MLIP: variants seen among roughly 807,000 people sequenced by gnomAD.
The protein encoded by MLIP is muscular LMNA-interacting protein.
MLIP carries 79 observed loss-of-function variants against 84.8 expected under a neutral mutation model. The observed-to-expected ratio is 0.93, with a 90% CI of 0.78 to 1.12. The LOEUF (loss-of-function observed/expected upper bound fraction) is 1.12, where lower values mean the gene tolerates loss of function less well. Among genes scored for constraint, MLIP ranks in the 50% most tolerant of loss-of-function variants. The pLI is 0.00. For synonymous variants in MLIP, 504 were observed against 463.0 expected (o/e 1.09, Z -1.14); for missense variants, 1,257 against 1,160.6 (o/e 1.08, Z -1.21).
At chr6:54,144,986 A>G (rs886484191) in intron 4 of MLIP, among the ~76,000 whole-genome samples, 1 of 152,212 alleles carries the variant, frequency 6.6e-6, no homozygotes, top group Non-Finnish European at 1.5e-5. Flanking sequence ...GCTCTGGTAA[A>G]CATAAGTAAT....
At chr6:54,088,957 T>C (rs1767678700) in intron 1 of MLIP, among the ~76,000 whole-genome samples, 1 of 152,062 alleles carries the variant, frequency 6.6e-6, no homozygotes, top group African/African-American at 2.4e-5. Context: ...AAGTTCAACA[T>C]TTTTTGAGGT....
intron 11 of MLIP, among the ~76,000 whole-genome samples, chr6:54,219,847 A>C (rs769234599): frequency 2.0e-5 from 3 of 152,210 alleles, no homozygotes; most frequent in Non-Finnish European, 4.4e-5. Flanking sequence ...TCAGTTGGCC[A>C]TTCCTTAAGC....
At chr6:54,177,461 A>G (rs1379454885) in intron 9 of MLIP, among the ~76,000 whole-genome samples, 1 of 152,238 alleles carries the variant, frequency 6.6e-6, no homozygotes, top group East Asian at 1.9e-4. Flanking sequence ...ATCACAGATC[A>G]TTAGAGAAAC....
At chr6:54,256,445 G>T (rs1783010059) in intron 12 of MLIP, among the ~76,000 whole-genome samples, 1 of 152,100 alleles carries the variant, frequency 6.6e-6, no homozygotes, top group Non-Finnish European at 1.5e-5. Context: ...CAATAGCCCT[G>T]GTTTGCCGGG....
chr6:54,160,703 TTTCTC>T (rs780753892), intron 7 of MLIP, 32 bp from the exon 8 acceptor site: 6 of 1,528,794 alleles, frequency 3.9e-6, no homozygotes, highest in South Asian at 3.4e-5. Flanking sequence ...TTTCTTTCCT[TTTCTC>T]TTCTTCTTTC....
chr6:54,047,469 A>G (rs1765128526), intron 1 of MLIP: 1 of 152,222 alleles, frequency 6.6e-6, no homozygotes, highest in Non-Finnish European at 1.5e-5. Context: ...AATAATTTTA[A>G]CTAATAAAGA....
At chr6:54,259,449 A>T (rs980086445) in intron 13 of MLIP, among the ~76,000 whole-genome samples, 1 of 151,904 alleles carries the variant, frequency 6.6e-6, no homozygotes, top group African/African-American at 2.4e-5. Context: ...AAAAGAGAAA[A>T]TGAATTGGTT....
intron 1 of MLIP, among the ~76,000 whole-genome samples, chr6:54,099,309 T>C (rs1359275432): frequency 6.6e-6 from 1 of 152,166 alleles, no homozygotes; most frequent in African/African-American, 2.4e-5. Flanking sequence ...TTAGTAAATG[T>C]CTCCAAAAAG....
At chr6:54,095,978 G>C (rs1768183778) in intron 1 of MLIP, among the ~76,000 whole-genome samples, 1 of 152,104 alleles carries the variant, frequency 6.6e-6, no homozygotes, top group Non-Finnish European at 1.5e-5. Context: ...GGCTCTAGCA[G>C]CATCTAGCAG....
At chr6:54,063,860 A>T (rs1766119870) in intron 1 of MLIP, among the ~76,000 whole-genome samples, 1 of 152,144 alleles carries the variant, frequency 6.6e-6, no homozygotes, top group Non-Finnish European at 1.5e-5. Flanking sequence ...TTAGAATTCC[A>T]TGTTGAAGTT....
Position 54,124,699 on chromosome 6 carries a change from GC to G in MLIP, c.485del (p.Pro162GlnfsTer14). ...DEAASRKVEQGPPGGIGTAAV... is the reference protein window; with the variant it reads ...DEAASRKVEQXPPGGIGTAAV... Reference sequence around the variant, plus strand: ...GCTGCAAGCAGAAAAGTTGAACAAGGCCCCCCAGGGGGGATTGGCACCGCAG... The same window carrying G: ...GCTGCAAGCAGAAAAGTTGAACAAGGCCCCCAGGGGGGATTGGCACCGCAG... On this transcript the variant is annotated frameshift_variant, in exon 3 of 14. Transcript: ENST00000502396. LOFTEE classifies it high-confidence loss of function. The G allele has an allele frequency of 2.5e-6, 4 of 1,614,146 alleles. No individual in the cohort carries two copies. The highest frequency in any genetic ancestry group is 3.4e-6 in the Non-Finnish European group (4 of 1,180,022).
intron 9 of MLIP, among the ~76,000 whole-genome samples, chr6:54,178,230 A>G (rs977725257): frequency 6.6e-6 from 1 of 152,128 alleles, no homozygotes; most frequent in Admixed American, 6.6e-5. Flanking sequence ...AAAAAAGTAC[A>G]TAAGGAAAAA....
Position 54,202,150 on chromosome 6 carries a change from T to C in MLIP, c.2635T>C (p.Leu879=), listed in dbSNP as rs746539095. Residue 879 remains leucine (L), a synonymous_variant, in exon 11 of 14, where the codon TTA becomes CTA. Transcript: ENST00000502396. ...IRPVPVKSRI[L]LKKEEEVYEP... ...CCCAGTACCTGTAAAATCCAGAATATTACTGAAAAAAGAGGAGGAAGTCTA... is the reference window on the plus strand; with the variant it reads ...CCCAGTACCTGTAAAATCCAGAATACTACTGAAAAAAGAGGAGGAAGTCTA... The C allele has an allele frequency of 1.9e-6, 3 of 1,603,510 alleles. No individual in the cohort carries two copies. In the South Asian group the frequency reaches 3.4e-5, roughly 18 times the overall value.
At chr6:54,100,633 C>T (rs1013409047) in intron 1 of MLIP, among the ~76,000 whole-genome samples, 1 of 152,012 alleles carries the variant, frequency 6.6e-6, no homozygotes, top group African/African-American at 2.4e-5. Flanking sequence ...ATGCTTTGTC[C>T]TTTATCTACT....
At chr6:54,225,211 G>A (rs903575723) in intron 11 of MLIP, among the ~76,000 whole-genome samples, 6 of 151,936 alleles carry the variant, frequency 3.9e-5, no homozygotes, top group Non-Finnish European at 7.4e-5. Context: ...TCTTTTTTGC[G>A]CAAGCCTCAT....
intron 1 of MLIP, among the ~76,000 whole-genome samples, chr6:54,035,108 T>C (rs550295718): frequency 1.7e-4 from 26 of 152,176 alleles, no homozygotes; most frequent in Non-Finnish European, 3.2e-4. Flanking sequence ...CTAGGTGTGG[T>C]AGATTATACC....
At chr6:54,033,796 A>G (rs2150288028) in intron 1 of MLIP, among the ~76,000 whole-genome samples, 1 of 152,316 alleles carries the variant, frequency 6.6e-6, no homozygotes, top group East Asian at 1.9e-4. Context: ...GTCAAAGATG[A>G]CATTTACCTC....
chr6:54,203,592 CT>C lies in MLIP; in HGVS notation c.2718+1370del, dbSNP rs749549556. 2.8e-3 allele frequency: 411 copies of C among 146,502 alleles called. 2 individuals are homozygous for C. Among genetic ancestry groups the C allele is most frequent in the African/African-American group, 7.7e-3 (310 of 40,162 alleles). 9.1% of individuals were successfully genotyped at this position (146,502 alleles called of 1,614,324 possible). A position where few individuals can be genotyped will look rare whatever the true frequency, so the allele number is the denominator to read the frequency against. ...CTTCAGTTTCTTTCTTTCTTCCTTT[CT>C]TTTTTTTTTTGAGATGGAGTTTCGC... On this transcript the variant is annotated intron_variant, in intron 11 of 13. Coordinates refer to ENST00000502396, the MANE Select transcript of MLIP (RefSeq NM_001281747.2).
At chr6:54,103,291 A>T (rs1270142782) in intron 1 of MLIP, among the ~76,000 whole-genome samples, 1 of 152,136 alleles carries the variant, frequency 6.6e-6, no homozygotes, top group Non-Finnish European at 1.5e-5. Flanking sequence ...TTTTAACCCT[A>T]ATGGGGTGAG....
Sources: allele counts gnomAD v4.1 joint callset (sites outside exome capture counted in the v4.1 genomes callset), GRCh38; gene constraint gnomAD v4.1.1; transcripts MANE v1.5; gene names NCBI Gene and HGNC (gene_info 2026-07-23, HGNC 2026-07-21).